RELN: variants seen among roughly 807,000 people sequenced by gnomAD.
The protein encoded by RELN is reelin.
In RELN, 108 loss-of-function variants were observed where a neutral mutation model predicts 427.6. That is an observed-to-expected ratio of 0.25 (90% CI 0.22 to 0.30). The LOEUF (loss-of-function observed/expected upper bound fraction) is 0.30. Ranked by LOEUF, RELN falls within the 10% of genes least tolerant of loss-of-function variation. The probability of loss-of-function intolerance (pLI) is 1.00; values close to 1 mark genes in which losing one functional copy is unlikely to be tolerated. For synonymous variants in RELN, 1,524 were observed against 1,513.4 expected (o/e 1.01, Z -0.16); for missense variants, 3,715 against 4,302.8 (o/e 0.86, Z 3.82).
chr7:103,636,211 G>T, intron 18 of RELN, 24 bp downstream of exon 18: 1 of 1,463,368 alleles, frequency 6.8e-7, no homozygotes, highest in Non-Finnish European at 9.6e-7. Context: ...GTTTTTGTAT[G>T]TATTCTACCC....
intron 3 of RELN, among the ~76,000 whole-genome samples, chr7:103,820,147 A>G (rs1193563815): frequency 6.6e-6 from 1 of 152,088 alleles, no homozygotes; most frequent in Non-Finnish European, 1.5e-5. Flanking sequence ...TATTTCATTT[A>G]ATGTCTTAGG....
intron 47 of RELN, 135 bp downstream of exon 47, chr7:103,523,256 T>A (rs1829749985): frequency 2.0e-6 from 2 of 980,448 alleles, no homozygotes; most frequent in Non-Finnish European, 3.2e-6. Context: ...CACAGTTAGC[T>A]CAAGATCATA....
chr7:103,803,790 C>G (rs1792527536), intron 3 of RELN, among the ~76,000 whole-genome samples: 1 of 152,046 alleles, frequency 6.6e-6, no homozygotes. Flanking sequence ...CAGCAACTGG[C>G]AAGGTTACAG....
intron 6 of RELN, among the ~76,000 whole-genome samples, chr7:103,749,013 G>A (rs1584461600): frequency 6.6e-6 from 1 of 152,044 alleles, no homozygotes; most frequent in African/African-American, 2.4e-5. Context: ...AGCTTTTGAA[G>A]GAAAGACTGG....
At chr7:103,858,006 CT>C (rs752610049) in intron 2 of RELN, among the ~76,000 whole-genome samples, 1 of 151,144 alleles carries the variant, frequency 6.6e-6, no homozygotes, top group African/African-American at 2.4e-5. Flanking sequence ...TCAATGGTTT[CT>C]TTTTTTTTGA....
At chr7:103,529,940 T>C (rs988699357) in intron 46 of RELN, among the ~76,000 whole-genome samples, 5 of 152,164 alleles carry the variant, frequency 3.3e-5, no homozygotes, top group Admixed American at 3.3e-4. Context: ...CTGGATACCA[T>C]GTTATTCTGA....
chr7:103,939,680 T>C (rs867580526), intron 1 of RELN, among the ~76,000 whole-genome samples: 7 of 152,238 alleles, frequency 4.6e-5, no homozygotes, highest in African/African-American at 1.7e-4. Context: ...AGATTTATGT[T>C]TAATACTATA....
intron 4 of RELN, among the ~76,000 whole-genome samples, chr7:103,767,358 C>G (rs1791452339): frequency 6.6e-6 from 1 of 152,162 alleles, no homozygotes; most frequent in African/African-American, 2.4e-5. Context: ...ATGGAACCAG[C>G]ATTGGGCTGT....
At chr7:103,867,200 G>A (rs1794220606) in intron 2 of RELN, among the ~76,000 whole-genome samples, 3 of 151,252 alleles carry the variant, frequency 2.0e-5, no homozygotes, top group African/African-American at 7.3e-5. Flanking sequence ...TTGTTACAAA[G>A]TAAATATTAT....
In RELN at chr7:103,692,708, T is replaced by C. The variant is rs186443578; in HGVS notation, c.1143+5145A>G. ...CAGCAGTCTTGGGACCTACCCTAGT[T>C]TCATGCAAAGAGGGCAGGGATAAAG... is the stretch of plus-strand genomic sequence containing the variant. On this transcript the variant is annotated intron_variant, in intron 10 of 64. Transcript: ENST00000428762. Among the ~76,000 whole-genome samples, 11 of 152,178 alleles carry C rather than the reference T, an allele frequency of 7.2e-5. No individual in the cohort carries two copies. In the East Asian group the frequency reaches 2.1e-3, roughly 29 times the overall value.
chr7:103,539,535 C>A, intron 44 of RELN: 1 of 591,330 alleles, frequency 1.7e-6, no homozygotes, highest in East Asian at 3.0e-5. Context: ...CAAAACAAAT[C>A]AAAGGATTGA....
At chr7:103,635,713 C>T in intron 18 of RELN, 127 bp from the exon 19 acceptor site, 1 of 742,052 alleles carries the variant, frequency 1.3e-6, no homozygotes, top group Non-Finnish European at 2.3e-6. Context: ...TAAGTAATTT[C>T]ATTGTTAGAT....
intron 4 of RELN, among the ~76,000 whole-genome samples, chr7:103,753,506 T>C (rs1791057779): frequency 6.6e-6 from 1 of 152,224 alleles, no homozygotes; most frequent in Non-Finnish European, 1.5e-5. Flanking sequence ...AAAGGAATAC[T>C]TGCCAATTAT....
chr7:103,938,319 C>A (rs527585682), intron 1 of RELN, among the ~76,000 whole-genome samples: 1 of 151,926 alleles, frequency 6.6e-6, no homozygotes, highest in Non-Finnish European at 1.5e-5. Flanking sequence ...AAAGAAAAAC[C>A]CTAGTTTCTG....
chr7:103,893,297 C>T (rs948237187), intron 2 of RELN, among the ~76,000 whole-genome samples: 4 of 152,126 alleles, frequency 2.6e-5, no homozygotes, highest in African/African-American at 9.7e-5. Context: ...TAGGACTTGT[C>T]TCTTTCCTTC....
At chr7:103,943,313 G>A (rs7808549) in intron 1 of RELN, among the ~76,000 whole-genome samples, 117,817 of 152,024 alleles carry the variant, frequency 0.77, 46,009 homozygotes, top group Non-Finnish European at 0.82. Context: ...GCCCTGAGCC[G>A]GAAACACATT....
intron 3 of RELN, among the ~76,000 whole-genome samples, chr7:103,783,903 T>C (rs527554597): frequency 6.6e-6 from 1 of 152,306 alleles, no homozygotes; most frequent in African/African-American, 2.4e-5. Flanking sequence ...TTTAATAACA[T>C]CACTAAATGA....
At position 103,471,802 on chromosome 7, in the gene RELN, T is replaced by C. The variant is rs931881604; in HGVS notation, c.*1010A>G. Reference sequence around the variant, plus strand: ...AATGAACTTCAATGGCTTTTGGACATAATTTTTATTTAAGCATGGGCTTTT... The same window carrying C: ...AATGAACTTCAATGGCTTTTGGACACAATTTTTATTTAAGCATGGGCTTTT... On this transcript the variant is annotated 3_prime_UTR_variant, in exon 65 of 65. Coordinates refer to ENST00000428762, the MANE Select transcript of RELN (RefSeq NM_005045.4). 4 of 152,590 alleles carry C rather than the reference T, an allele frequency of 2.6e-5. No individual in the cohort carries two copies. The highest frequency in any genetic ancestry group is 9.6e-5 in the African/African-American group (4 of 41,464). 9.5% of individuals were successfully genotyped at this position (152,590 alleles called of 1,614,324 possible).
At chr7:103,542,624 A>G in intron 43 of RELN, 107 bp downstream of exon 43, 1 of 1,162,150 alleles carries the variant, frequency 8.6e-7, no homozygotes, top group South Asian at 1.3e-5. Flanking sequence ...AGTATTTACA[A>G]TGGAAGGCCT....
Sources: allele counts gnomAD v4.1 joint callset (sites outside exome capture counted in the v4.1 genomes callset), GRCh38; gene constraint gnomAD v4.1.1; transcripts MANE v1.5; gene names NCBI Gene and HGNC (gene_info 2026-07-23, HGNC 2026-07-21).